EMB: variants seen among roughly 807,000 people sequenced by gnomAD.
EMB encodes embigin homolog.
EMB carries 31 observed loss-of-function variants against 41.4 expected under a neutral mutation model. That is an observed-to-expected ratio of 0.75 (90% confidence interval 0.56 to 1.01). EMB has a LOEUF of 1.01. Among genes scored for constraint, EMB ranks in the 50% least tolerant of loss-of-function variants. EMB has a pLI of 0.00. For synonymous variants in EMB, 137 were observed against 140.4 expected, an observed-to-expected ratio of 0.98 and a Z score of 0.17; for missense variants, 379 against 388.3, an observed-to-expected ratio of 0.98 and a Z score of 0.20.
chr5:50,426,898 G>GAA (rs60515065), intron 2 of EMB, among the ~76,000 whole-genome samples: 24 of 105,628 alleles, frequency 2.3e-4, no homozygotes, highest in African/African-American at 6.5e-4. Flanking sequence ...CAGTAAAAAA[G>GAA]AAAAAAAAAA....
At chr5:50,409,002 G>A (rs1241886824) in intron 4 of EMB, among the ~76,000 whole-genome samples, 2 of 151,786 alleles carry the variant, frequency 1.3e-5, no homozygotes, top group Non-Finnish European at 2.9e-5. Context: ...AATGTTAAAG[G>A]GGCATTAAAA....
At chr5:50,436,633 G>C (rs1390076229) in intron 1 of EMB, among the ~76,000 whole-genome samples, 2 of 152,204 alleles carry the variant, frequency 1.3e-5, no homozygotes, top group Admixed American at 6.5e-5. Flanking sequence ...CCTGTGTCAA[G>C]CTGCCCGCTG....
chr5:50,410,471 C>A (rs978725569), intron 4 of EMB, among the ~76,000 whole-genome samples: 23 of 152,064 alleles, frequency 1.5e-4, no homozygotes, highest in African/African-American at 5.6e-4. Flanking sequence ...TTTTATGGAT[C>A]CTAAAATCCC....
chr5:50,420,565 TATACTTCCTAG>T (rs1745502819), intron 2 of EMB, among the ~76,000 whole-genome samples: 1 of 152,212 alleles, frequency 6.6e-6, no homozygotes, highest in Non-Finnish European at 1.5e-5. Flanking sequence ...ACTTCCTTTA[TATACTTCCTAG>T]CATTTGGCAC....
intron 4 of EMB, among the ~76,000 whole-genome samples, chr5:50,410,014 A>G (rs1745308692): frequency 6.6e-6 from 1 of 152,124 alleles, no homozygotes; most frequent in Admixed American, 6.6e-5. Flanking sequence ...GCAATGGTGA[A>G]GCAAGCCATT....
In EMB at chr5:50,406,357, G is replaced by A. The variant is rs1745249158; in HGVS notation, c.473-505C>T. ...AGGAACAAAGGAAAATTAACAGAAA[G>A]AGAACAGCGTAAGAAAGAAAATAAG... On this transcript the variant is annotated intron_variant, in intron 4 of 8. Coordinates refer to ENST00000303221, the MANE Select transcript of EMB (RefSeq NM_198449.3). Among the ~76,000 whole-genome samples the A allele has an allele frequency of 1.3e-5, 2 of 151,738 alleles. 1 individual carries two copies. Among genetic ancestry groups the A allele is most frequent in the Non-Finnish European group, 2.9e-5 (2 of 67,832 alleles).
intron 2 of EMB, among the ~76,000 whole-genome samples, chr5:50,414,160 T>C (rs1745390040): frequency 6.6e-6 from 1 of 152,148 alleles, no homozygotes; most frequent in African/African-American, 2.4e-5. Context: ...GCTCTTCTCA[T>C]TCTCAATAAT....
At chr5:50,428,885 T>G (rs1029678892) in intron 1 of EMB, among the ~76,000 whole-genome samples, 15 of 150,904 alleles carry the variant, frequency 9.9e-5, no homozygotes, top group African/African-American at 2.7e-4. Context: ...ATTTTATTTA[T>G]TTTTATTTTT....
intron 8 of EMB, 136 bp downstream of exon 8, chr5:50,399,723 G>C: frequency 1.5e-6 from 1 of 682,944 alleles, no homozygotes; most frequent in South Asian, 1.9e-5. Context: ...CCCTATAATA[G>C]TGTTAACAAG....
intron 2 of EMB, among the ~76,000 whole-genome samples, chr5:50,418,842 C>G (rs1745469864): frequency 6.6e-6 from 1 of 152,124 alleles, no homozygotes; most frequent in Admixed American, 6.5e-5. Context: ...AAATTATTTC[C>G]TGCTTAACTG....
intron 2 of EMB, chr5:50,411,641 T>C (rs1042031643): frequency 2.4e-5 from 6 of 249,032 alleles, no homozygotes; most frequent in Non-Finnish European, 3.0e-5. Flanking sequence ...TTAAGCTCTA[T>C]ACTGAGCAGA....
At position 50,397,683 on chromosome 5, in the gene EMB, ATGT is replaced by A. The variant is rs1745091879; in HGVS notation, c.*1587_*1589del. The A allele has an allele frequency of 6.6e-6, 1 of 152,144 alleles. No individual in the cohort carries two copies. Among genetic ancestry groups the A allele is most frequent in the African/African-American group, 2.4e-5 (1 of 41,448 alleles). 9.4% of individuals were successfully genotyped at this position (152,144 alleles called of 1,614,324 possible). A position where few individuals can be genotyped will look rare whatever the true frequency, so the allele number is the denominator to read the frequency against. On this transcript the variant is annotated 3_prime_UTR_variant, in exon 9 of 9. Coordinates refer to ENST00000303221, the MANE Select transcript of EMB (RefSeq NM_198449.3). Reference sequence around the variant, plus strand: ...CCATTATATAGATATTACCCAAGTAATGTTGTCAAAATAATAATTAATTAAACT... The same window carrying A: ...CCATTATATAGATATTACCCAAGTAATGTCAAAATAATAATTAATTAAACT...
chr5:50,421,749 C>T (rs184385145), intron 2 of EMB, among the ~76,000 whole-genome samples: 93 of 151,896 alleles, frequency 6.1e-4, no homozygotes, highest in Admixed American at 5.0e-3. Flanking sequence ...TTTGTAGGGA[C>T]GTGGATGAAG....
At position 50,410,956 on chromosome 5, in the gene EMB, G is replaced by A. The variant is rs1219559001; in HGVS notation, c.393C>T (p.Ile131=). 1 of 1,601,310 alleles carries A rather than the reference G, an allele frequency of 6.2e-7. No homozygotes were observed. Among genetic ancestry groups the A allele is most frequent in the Non-Finnish European group, 8.5e-7 (1 of 1,174,364 alleles). The change falls in exon 4 of 9, where the codon ATC becomes ATT. Residue 131 remains isoleucine (I), a synonymous_variant. Coordinates refer to ENST00000303221, the MANE Select transcript of EMB (RefSeq NM_198449.3). ...AACTTCCCATTTGTTTGCTATTAAT[G>A]ATGGTGAACCTAAAGATAATTCAAG... ...STLYTQYRFT[I]INSKQMGSYS...
At chr5:50,432,252 G>T (rs1217977145) in intron 1 of EMB, among the ~76,000 whole-genome samples, 2 of 151,816 alleles carry the variant, frequency 1.3e-5, no homozygotes, top group Non-Finnish European at 2.9e-5. Flanking sequence ...ATCTTGGAAG[G>T]GTCTGAACTT....
chr5:50,417,903 A>C (rs1403653161), intron 2 of EMB, among the ~76,000 whole-genome samples: 5 of 152,232 alleles, frequency 3.3e-5, no homozygotes, highest in Admixed American at 3.3e-4. Flanking sequence ...ATTATTTAAG[A>C]GGAGATGCTA....
chr5:50,440,874 G>C (rs1745896865), intron 1 of EMB, among the ~76,000 whole-genome samples, 166 bp downstream of exon 1: 1 of 152,076 alleles, frequency 6.6e-6, no homozygotes, highest in Non-Finnish European at 1.5e-5. Flanking sequence ...TGACACAAAC[G>C]TAGCTAATGG....
intron 2 of EMB, among the ~76,000 whole-genome samples, chr5:50,420,087 T>C (rs1403308126): frequency 6.6e-6 from 1 of 152,022 alleles, no homozygotes; most frequent in African/African-American, 2.4e-5. Flanking sequence ...GGGCTTACTG[T>C]CTAGGTGATG....
intron 1 of EMB, among the ~76,000 whole-genome samples, chr5:50,431,890 A>C (rs1745726455): frequency 6.6e-6 from 1 of 152,174 alleles, no homozygotes; most frequent in Admixed American, 6.5e-5. Context: ...CTTAATTTTC[A>C]CCTGTTATAA....
Sources: gnomAD v4.1 joint callset for allele counts (sites outside exome capture counted in the v4.1 genomes callset) on GRCh38, gnomAD v4.1.1 for gene constraint, MANE v1.5 for transcripts, NCBI Gene and HGNC (gene_info 2026-07-23, HGNC 2026-07-21) for gene names.